TNN: variants seen among roughly 807,000 people sequenced by gnomAD.
TNN encodes tenascin N.
A neutral mutation model predicts 134.4 loss-of-function variants in TNN; 122 were observed. The observed-to-expected ratio is 0.91, with a 90% CI of 0.78 to 1.06. The LOEUF is 1.06. Ranked by LOEUF, TNN falls within the 50% of genes least tolerant of loss-of-function variation. The pLI, the probability that TNN is intolerant of heterozygous loss-of-function variation, is 0.00. For synonymous variants in TNN, 710 were observed against 670.3 expected (o/e 1.06, Z -0.91); for missense variants, 1,739 against 1,699.4 (o/e 1.02, Z -0.41).
chr1:175,124,801 C>T (rs540698225), intron 12 of TNN, among the ~76,000 whole-genome samples: 1 of 152,336 alleles, frequency 6.6e-6, no homozygotes, highest in South Asian at 2.1e-4. Context: ...TCCCTCTTTC[C>T]CACTTCCTAC....
chr1:175,109,433 C>G (rs1402040033), intron 9 of TNN, among the ~76,000 whole-genome samples: 6 of 151,956 alleles, frequency 3.9e-5, no homozygotes, highest in Admixed American at 1.3e-4. Context: ...GTGTTCATTC[C>G]CCTTACTCCT....
chr1:175,116,848 C>A lies in TNN; in HGVS notation c.2120-91C>A, dbSNP rs993298022. 5 of 1,561,802 alleles carry A rather than the reference C, an allele frequency of 3.2e-6. No individual in the cohort carries two copies. The East Asian group carries it at 9.0e-5, about 28-fold the overall frequency. ...ATATGATATGGAGAAACCATAAGAA[C>A]AGGAAACTGCCTTACCACAAGTAAA... On this transcript the variant is annotated intron_variant, in intron 9 of 18. Transcript: ENST00000239462.
rs1323229153 is a variant in TNN, at chr1:175,080,278, G to T, written c.900G>T (p.Lys300Asn). 3 of 1,613,996 alleles carry T rather than the reference G, an allele frequency of 1.9e-6. No individual in the cohort carries two copies. Among genetic ancestry groups the T allele is most frequent in the Non-Finnish European group, 2.5e-6 (3 of 1,180,020 alleles). Residue 300 changes from lysine to asparagine, a missense_variant, in exon 4 of 19, where the codon AAG becomes AAT. Transcript: ENST00000239462. ...HYLLSYYPLG[K>N]ELSGKQIQVP... ...TCCTCAGCTACTACCCCCTGGGGAA[G>T]GAGCTCTCTGGGAAGCAGATCCAAG...
intron 6 of TNN, among the ~76,000 whole-genome samples, chr1:175,087,211 G>A (rs533719676): frequency 3.6e-4 from 55 of 152,342 alleles, no homozygotes; most frequent in African/African-American, 1.3e-3. Flanking sequence ...TCTGTGGTCT[G>A]TACCTTTCTC....
rs376877088 is a variant in TNN, at chr1:175,087,454, A to G, written c.1324+1960A>G. On this transcript the variant is annotated intron_variant, in intron 6 of 18. Coordinates refer to ENST00000239462, the MANE Select transcript of TNN (RefSeq NM_022093.2). ...CAAAAGGAAAGGCAGCTTCTTGCAT[A>G]ACTCAGCTTTCAGCTTTATTTTTTC... is the stretch of plus-strand genomic sequence containing the variant. Among the ~76,000 whole-genome samples, 18 of 152,234 alleles carry G rather than the reference A, an allele frequency of 1.2e-4. 2 individuals are homozygous for G. Among genetic ancestry groups the G allele is most frequent in the Admixed American group, 9.8e-4 (15 of 15,278 alleles).
At chr1:175,075,214 A>G (rs764644664) in intron 1 of TNN, among the ~76,000 whole-genome samples, 11 of 152,262 alleles carry the variant, frequency 7.2e-5, no homozygotes, top group Non-Finnish European at 1.5e-4. Flanking sequence ...TAAACATTTT[A>G]CATATTACTA....
chr1:175,104,907 G>T lies in TNN; in HGVS notation c.2119+6312G>T, dbSNP rs1225291648. Among the ~76,000 whole-genome samples the T allele has an allele frequency of 1.4e-5, 2 of 145,538 alleles. 1 individual carries two copies. The highest frequency in any genetic ancestry group is 1.4e-4 in the Admixed American group (2 of 14,470). On this transcript the variant is annotated intron_variant, in intron 9 of 18. Coordinates refer to ENST00000239462, the MANE Select transcript of TNN (RefSeq NM_022093.2). ...GTGGATATCATTGAATAATTCATGG[G>T]CTTTTTCCCAATTCTCCTTAGTCCT... is the stretch of plus-strand genomic sequence containing the variant.
intron 14 of TNN, among the ~76,000 whole-genome samples, 166 bp downstream of exon 14, chr1:175,128,330 G>A (rs911216046): frequency 6.6e-6 from 1 of 152,182 alleles, no homozygotes; most frequent in African/African-American, 2.4e-5. Context: ...ACCCCACAGT[G>A]GGGAGGCTAA....
chr1:175,136,881 A>C lies in TNN; in HGVS notation c.3488A>C (p.Asp1163Ala). The C allele has an allele frequency of 6.2e-7, 1 of 1,614,194 alleles. No homozygotes were observed. Reference protein sequence around the residue: ...GTPARYEVRVDLQTANESAYA... With the variant: ...GTPARYEVRVALQTANESAYA... Reference sequence around the variant, plus strand: ...CCAGCGCGGTATGAGGTGAGAGTGGATTTACAGACTGCCAATGAATCTGCC... The same window carrying C: ...CCAGCGCGGTATGAGGTGAGAGTGGCTTTACAGACTGCCAATGAATCTGCC... The change falls in exon 17 of 19, where the codon GAT (aspartate) becomes GCT (alanine). Residue 1163 changes from aspartate to alanine, a missense_variant. Transcript: ENST00000239462.
chr1:175,145,797 G>T (rs1019166213), intron 18 of TNN, among the ~76,000 whole-genome samples: 1 of 151,982 alleles, frequency 6.6e-6, no homozygotes, highest in Non-Finnish European at 1.5e-5. Context: ...CTCTGCCCCA[G>T]TGCATCATCC....
intron 10 of TNN, 49 bp from the exon 11 acceptor site, chr1:175,118,512 A>C (rs1456223211): frequency 6.2e-7 from 1 of 1,601,872 alleles, no homozygotes; most frequent in Admixed American, 1.8e-5. Context: ...CAGTTTCTGC[A>C]CTCTGGCACC....
chr1:175,080,661 C>T (rs1292121207), intron 4 of TNN, among the ~76,000 whole-genome samples: 17 of 152,038 alleles, frequency 1.1e-4, no homozygotes, highest in Admixed American at 9.8e-4. Flanking sequence ...CTTCTCTGTC[C>T]CTGAGATTAT....
chr1:175,090,265 A>G (rs748952690), intron 6 of TNN, among the ~76,000 whole-genome samples: 1 of 152,238 alleles, frequency 6.6e-6, no homozygotes, highest in Non-Finnish European at 1.5e-5. Context: ...GGAGGACAAC[A>G]GGAAGAAGGG....
At chr1:175,128,206 A>G in intron 14 of TNN, 42 bp downstream of exon 14, 1 of 1,531,250 alleles carries the variant, frequency 6.5e-7, no homozygotes, top group African/African-American at 1.4e-5. Context: ...TGCAATGAGA[A>G]CCAGCACCGG....
chr1:175,139,492 C>T (rs1376883680), intron 17 of TNN, among the ~76,000 whole-genome samples: 5 of 152,220 alleles, frequency 3.3e-5, no homozygotes, highest in Admixed American at 6.5e-5. Context: ...CTTCCACCTC[C>T]GCATCTTGTC....
intron 15 of TNN, among the ~76,000 whole-genome samples, chr1:175,133,520 G>A (rs1460086708): frequency 6.6e-6 from 1 of 152,144 alleles, no homozygotes; most frequent in East Asian, 1.9e-4. Flanking sequence ...TCTCTTTGTG[G>A]CTTTTGTGAT....
chr1:175,091,434 T>C (rs1674442490), intron 6 of TNN, among the ~76,000 whole-genome samples: 1 of 152,208 alleles, frequency 6.6e-6, no homozygotes, highest in Non-Finnish European at 1.5e-5. Context: ...CTGGCTCTTC[T>C]CCATCCCTTG....
At chr1:175,115,919 C>T (rs2101834075) in intron 9 of TNN, among the ~76,000 whole-genome samples, 1 of 152,322 alleles carries the variant, frequency 6.6e-6, no homozygotes, top group African/African-American at 2.4e-5. Flanking sequence ...TCCAGCTGCT[C>T]TTACCTGGGC....
intron 9 of TNN, among the ~76,000 whole-genome samples, chr1:175,113,830 T>C (rs541401234): frequency 6.6e-5 from 10 of 152,116 alleles, no homozygotes; most frequent in Non-Finnish European, 1.3e-4. Flanking sequence ...TTTTTTCTGC[T>C]TGATCAAGTC....
Sources: gnomAD v4.1 joint callset for allele counts (sites outside exome capture counted in the v4.1 genomes callset) on GRCh38, gnomAD v4.1.1 for gene constraint, MANE v1.5 for transcripts, NCBI Gene and HGNC (gene_info 2026-07-23, HGNC 2026-07-21) for gene names.